The following TXNDC11 variants were observed in gnomAD, a reference collection of about 807,000 sequenced individuals.
TXNDC11 encodes the protein thioredoxin domain-containing protein 11.
A neutral mutation model predicts 78.0 loss-of-function variants in TXNDC11; 68 were observed. The ratio of observed to expected loss-of-function variants is 0.87; its 90% CI spans 0.72 to 1.07. The LOEUF (loss-of-function observed/expected upper bound fraction) is 1.07. Ranked by LOEUF, TXNDC11 falls within the 50% of genes least tolerant of loss-of-function variation. The pLI, the probability that TXNDC11 is intolerant of heterozygous loss-of-function variation, is 0.00. For missense variants in TXNDC11, 1,389 were observed against 1,221.8 expected (o/e 1.14, Z -2.04); for synonymous variants, 571 against 495.2 (o/e 1.15, Z -2.03).
chr16:11,721,813 A>C (rs1254495222), intron 4 of TXNDC11, 143 bp from the exon 5 acceptor site: 1 of 509,008 alleles, frequency 2.0e-6, no homozygotes, highest in Non-Finnish European at 3.6e-6. Flanking sequence ...TAAGCACATG[A>C]TAAAAATTTC....
At chr16:11,706,589 C>T (rs1013198897) in intron 5 of TXNDC11, among the ~76,000 whole-genome samples, 4 of 152,228 alleles carry the variant, frequency 2.6e-5, no homozygotes, top group African/African-American at 4.8e-5. Context: ...TACTCCTGGT[C>T]ATCTCTTGTG....
intron 2 of TXNDC11, 34 bp downstream of exon 2, chr16:11,735,983 G>C: frequency 1.2e-6 from 2 of 1,603,088 alleles, no homozygotes; most frequent in Non-Finnish European, 1.7e-6. Context: ...AGGACTGACA[G>C]TCATTTGATT....
chr16:11,698,263 G>C lies in TXNDC11; in HGVS notation c.969C>G (p.Asn323Lys). Residue 323 changes from asparagine to lysine, a missense_variant, in exon 7 of 12, where the codon AAC becomes AAG. Coordinates refer to ENST00000283033, the MANE Select transcript of TXNDC11 (RefSeq NM_015914.7). ...AENICKWALE[N>K]QETLFRWLRP... Reference sequence around the variant, plus strand: ...GCAGCCACCGAAAGAGCGTCTCCTGGTTTTCTAAGGCCCACTTACAGATGT... The same window carrying C: ...GCAGCCACCGAAAGAGCGTCTCCTGCTTTTCTAAGGCCCACTTACAGATGT... 1 of 1,614,194 alleles carries C rather than the reference G, an allele frequency of 6.2e-7. No individual in the cohort carries two copies. The highest frequency in any genetic ancestry group is 8.5e-7 in the Non-Finnish European group (1 of 1,180,042).
intron 1 of TXNDC11, among the ~76,000 whole-genome samples, chr16:11,740,024 C>T (rs1378082395): frequency 6.6e-6 from 1 of 151,848 alleles, no homozygotes; most frequent in Non-Finnish European, 1.5e-5. Flanking sequence ...GAAACCCCGT[C>T]TCTACGAAAA....
chr16:11,736,574 C>T (rs1432639934), intron 1 of TXNDC11, among the ~76,000 whole-genome samples: 1 of 152,156 alleles, frequency 6.6e-6, no homozygotes, highest in Admixed American at 6.6e-5. Flanking sequence ...CCACTTATCT[C>T]CAGGGCTTTA....
intron 5 of TXNDC11, among the ~76,000 whole-genome samples, chr16:11,714,267 A>T (rs531672838): frequency 3.3e-5 from 5 of 152,108 alleles, no homozygotes; most frequent in Non-Finnish European, 7.4e-5. Flanking sequence ...CAAGAGATCC[A>T]CCTGCCTCAG....
rs9924009 is a variant in TXNDC11 at position 11,688,193 on chromosome 16, G to T, written c.2043+110C>A. On this transcript the variant is annotated intron_variant, in intron 9 of 11. Coordinates refer to ENST00000283033, the MANE Select transcript of TXNDC11 (RefSeq NM_015914.7). The stretch of plus-strand genomic sequence containing the variant: ...TCACGGTCCATAATTGGGCCATCAC[G>T]TGGTTACTCTTCTATACATCAAAAA... The T allele has an allele frequency of 4.1e-6, 5 of 1,223,530 alleles. No individual in the cohort carries two copies. The African/African-American group carries it at 7.6e-5, about 19-fold the overall frequency. The allele number at this position is 1,223,530 out of a possible 1,614,324, so 75.8% of individuals were successfully genotyped here.
intron 4 of TXNDC11, among the ~76,000 whole-genome samples, chr16:11,728,460 G>A (rs1156328048): frequency 6.6e-6 from 1 of 152,196 alleles, no homozygotes; most frequent in East Asian, 1.9e-4. Context: ...AAGTGATCTA[G>A]GGACCCCATC....
chr16:11,693,574 AT>A (rs1231812452), intron 7 of TXNDC11, among the ~76,000 whole-genome samples: 1 of 152,252 alleles, frequency 6.6e-6, no homozygotes, highest in Non-Finnish European at 1.5e-5. Context: ...ATAACGTAAT[AT>A]TTATAGTTAA....
At chr16:11,742,425 G>T (rs1292552410) in intron 1 of TXNDC11, 52 bp downstream of exon 1, 5 of 1,320,704 alleles carry the variant, frequency 3.8e-6, no homozygotes, top group South Asian at 3.6e-5. Flanking sequence ...GGCTCCAGGC[G>T]GCAGAGCAAG....
intron 1 of TXNDC11, among the ~76,000 whole-genome samples, chr16:11,740,743 G>A (rs890171207): frequency 1.3e-5 from 2 of 152,226 alleles, no homozygotes; most frequent in Non-Finnish European, 2.9e-5. Flanking sequence ...TCACGTAGGT[G>A]TGATTTGGAG....
rs745479472 is a variant in TXNDC11 at position 11,691,799 on chromosome 16, C to G, written c.1391G>C (p.Ser464Thr). 26 of 1,614,128 alleles carry G rather than the reference C, an allele frequency of 1.6e-5. No homozygotes were observed. Among genetic ancestry groups the G allele is most frequent in the Non-Finnish European group, 2.1e-5 (25 of 1,180,056 alleles). The change falls in exon 8 of 12, where the codon AGC becomes ACC. Residue 464 changes from serine to threonine, a missense_variant. Coordinates refer to ENST00000283033, the MANE Select transcript of TXNDC11 (RefSeq NM_015914.7). Reference protein sequence around the residue: ...KPSSVSVPQCSFFEMAAALDS... With the variant: ...KPSSVSVPQCTFFEMAAALDS... The stretch of plus-strand genomic sequence containing the variant: ...CAGAGCTGCTGCCATTTCAAAAAAG[C>G]TGCACTGTGGCACGCTGACCGAGCT...
chr16:11,702,527 G>T (rs1186971193), intron 5 of TXNDC11, among the ~76,000 whole-genome samples: 1 of 152,020 alleles, frequency 6.6e-6, no homozygotes, highest in Non-Finnish European at 1.5e-5. Flanking sequence ...AATTATCCGG[G>T]TGTGTTGTGG....
rs995822918 is a variant in TXNDC11, at chr16:11,679,370, A to G, written c.2702T>C (p.Met901Thr). 6.2e-7 allele frequency: 1 copy of G among 1,610,704 alleles called. No individual in the cohort carries two copies. ...NTWLKILVATMERKLEGRDGA... is the reference protein window; with the variant it reads ...NTWLKILVATTERKLEGRDGA... The stretch of plus-strand genomic sequence containing the variant: ...ATCCCTGCCCTCCAGTTTCCTCTCC[A>G]TGGTCGCCACCAGGATCTTGAGCCA... Residue 901 changes from methionine (M) to threonine (T), a missense_variant, in exon 12 of 12, where the codon ATG becomes ACG. Physicochemically the swap from Met to Thr is moderately conservative, Grantham distance 81. Coordinates refer to ENST00000283033, the MANE Select transcript of TXNDC11 (RefSeq NM_015914.7). This position sits in a 1 kb window ranked among gnomAD's most constrained non-coding sequence, Gnocchi z 4.6.
intron 4 of TXNDC11, among the ~76,000 whole-genome samples, chr16:11,722,357 C>T (rs557711617): frequency 1.1e-3 from 172 of 152,348 alleles, no homozygotes; most frequent in African/African-American, 4.0e-3. Context: ...AATGCCCCTT[C>T]ATTCTGCCAA....
intron 8 of TXNDC11, among the ~76,000 whole-genome samples, chr16:11,689,769 T>C (rs2050660853): frequency 6.6e-6 from 1 of 152,136 alleles, no homozygotes; most frequent in African/African-American, 2.4e-5. Flanking sequence ...ACTGACCCCA[T>C]TTCTCTGGAG....
chr16:11,697,660 C>T (rs1028055081), intron 7 of TXNDC11, among the ~76,000 whole-genome samples: 18 of 152,202 alleles, frequency 1.2e-4, no homozygotes, highest in Non-Finnish European at 2.4e-4. Context: ...GTCCCAACAT[C>T]GCTGCTGCTG....
intron 5 of TXNDC11, chr16:11,703,712 A>C: frequency 1.4e-6 from 1 of 702,318 alleles, no homozygotes; most frequent in East Asian, 2.7e-5. Context: ...TCTCCAGTAA[A>C]AGAAACCAGG....
intron 10 of TXNDC11, 38 bp downstream of exon 10, chr16:11,687,819 G>A: frequency 7.3e-7 from 1 of 1,368,224 alleles, no homozygotes. Flanking sequence ...GTGAAAATGG[G>A]CATACAGCCC....
Sources: allele counts gnomAD v4.1 joint callset (sites outside exome capture counted in the v4.1 genomes callset), GRCh38; gene constraint gnomAD v4.1.1; non-coding constraint Gnocchi (gnomAD v3.1); transcripts MANE v1.5; gene names NCBI Gene and HGNC (gene_info 2026-07-23, HGNC 2026-07-21).